The following DMD variants were observed in gnomAD, a reference collection of about 807,000 sequenced individuals.
DMD encodes mutant dystrophin.
In DMD, 63 loss-of-function variants were observed where a neutral mutation model predicts 330.1. The ratio of observed to expected loss-of-function variants is 0.19; its 90% CI spans 0.16 to 0.24. DMD has a LOEUF of 0.24. Ranked by LOEUF, DMD falls within the 10% of genes least tolerant of loss-of-function variation. DMD has a pLI of 1.00. For missense variants in DMD, 3,344 were observed against 2,684.1 expected (o/e 1.25, Z -5.43); for synonymous variants, 1,223 against 959.8 (o/e 1.27, Z -5.07).
intron 2 of DMD, among the ~76,000 whole-genome samples, chrX:32,878,979 G>C (rs2083619452): frequency 1.0e-5 from 1 of 97,618 alleles, no homozygotes; most frequent in Non-Finnish European, 2.1e-5. Flanking sequence ...CTGCACTCTA[G>C]CCTAGGCGAC....
intron 7 of DMD, among the ~76,000 whole-genome samples, chrX:32,805,983 C>A (rs1006439313): frequency 2.7e-5 from 3 of 111,840 alleles, no homozygotes; most frequent in African/African-American, 9.8e-5. Context: ...AGAAGCATAC[C>A]AAATTGTAAA....
At chrX:32,960,189 G>A (rs1226834145) in intron 2 of DMD, 1 of 111,403 alleles carries the variant, frequency 9.0e-6, no homozygotes, top group Admixed American at 9.5e-5. Flanking sequence ...AAAGGCAATC[G>A]AATGACAAAT....
intron 44 of DMD, among the ~76,000 whole-genome samples, chrX:32,013,235 T>C (rs1322882035): frequency 9.2e-6 from 1 of 108,360 alleles, no homozygotes; most frequent in Non-Finnish European, 1.9e-5. Context: ...TACAGGTGCA[T>C]ACCACCAAAC....
At chrX:32,121,804 A>C (rs1252435931) in intron 44 of DMD, among the ~76,000 whole-genome samples, 1 of 106,543 alleles carries the variant, frequency 9.4e-6, no homozygotes, top group African/African-American at 3.4e-5. Flanking sequence ...CAGGAGAAAA[A>C]GATGTGTTGA....
intron 1 of DMD, among the ~76,000 whole-genome samples, chrX:33,145,953 C>A (rs768218165): frequency 9.0e-6 from 1 of 110,770 alleles, no homozygotes; most frequent in South Asian, 3.8e-4. Flanking sequence ...GCGGCGCGAT[C>A]TTGGCTCACT....
chrX:33,159,866 A>G (rs1016381859), intron 1 of DMD, among the ~76,000 whole-genome samples: 1 of 111,170 alleles, frequency 9.0e-6, no homozygotes, highest in Non-Finnish European at 1.9e-5. Flanking sequence ...GCATACCTCA[A>G]TTTTTAAATA....
chrX:33,051,646 A>ATT lies in DMD; in HGVS notation c.32-31448_32-31447dup, dbSNP rs754035822. The stretch of plus-strand genomic sequence containing the variant: ...TAAGGAAAATATATAATTACGCTCT[A>ATT]TTTTTTTTTTTTTTTTTTTGAGACG... On this transcript the variant is annotated intron_variant, in intron 1 of 78. Coordinates refer to ENST00000357033, the MANE Select transcript of DMD (RefSeq NM_004006.3). Among the ~76,000 whole-genome samples, 87 of 71,920 alleles carry ATT rather than the reference A, an allele frequency of 1.2e-3. 2 individuals carry two copies. In the South Asian group the frequency reaches 0.032, roughly 27 times the overall value. 62.5% of individuals were successfully genotyped at this position (71,920 alleles called of 115,157 possible). A position where few individuals can be genotyped will look rare whatever the true frequency, so the allele number is the denominator to read the frequency against.
chrX:32,237,024 TTTG>T (rs2097190454), intron 43 of DMD, among the ~76,000 whole-genome samples: 1 of 111,958 alleles, frequency 8.9e-6, no homozygotes, highest in Non-Finnish European at 1.9e-5. Context: ...ATGTCTTTTC[TTTG>T]TTTATGAAGT....
Position 33,235,641 on chromosome X carries a change from T to C in DMD, c.7+103618A>G, listed in dbSNP as rs186587965. On this transcript the variant is annotated intron_variant, in intron 1 of 17. Transcript: ENST00000288447. The stretch of plus-strand genomic sequence containing the variant: ...TTATTTTATCAACATTTTATAGATG[T>C]CACAATCGAGTCTCAGAGGTGATAC... Among the ~76,000 whole-genome samples the C allele has an allele frequency of 1.2e-3, 128 of 110,671 alleles. No individual in the cohort carries two copies. The Middle Eastern group carries it at 0.019, about 16-fold the overall frequency.
chrX:33,203,388 G>A (rs1313246681), intron 1 of DMD, among the ~76,000 whole-genome samples: 1 of 111,756 alleles, frequency 8.9e-6, no homozygotes, highest in Non-Finnish European at 1.9e-5. Context: ...TTTAGGAAGT[G>A]CAGAGTACAG....
chrX:32,335,640 C>T (rs1268062243), intron 41 of DMD, among the ~76,000 whole-genome samples: 1 of 62,473 alleles, frequency 1.6e-5, no homozygotes, highest in African/African-American at 6.1e-5. Flanking sequence ...ATAACATATA[C>T]ATAACATGTT....
At chrX:31,530,669 T>TA (rs2073697418) in intron 55 of DMD, among the ~76,000 whole-genome samples, 6 of 77,588 alleles carry the variant, frequency 7.7e-5, no homozygotes, top group African/African-American at 3.1e-4. Flanking sequence ...TTTTTTTTTT[T>TA]AATTTTTTTT....
At chrX:33,306,310 C>T (rs2148943845) in intron 1 of DMD, among the ~76,000 whole-genome samples, 1 of 111,711 alleles carries the variant, frequency 9.0e-6, no homozygotes, top group Non-Finnish European at 1.9e-5. Context: ...AATGCATTTA[C>T]TTATTGAAGT....
intron 7 of DMD, among the ~76,000 whole-genome samples, chrX:32,734,244 A>C (rs1190788628): frequency 9.6e-6 from 1 of 103,746 alleles, no homozygotes; most frequent in Admixed American, 1.0e-4. Flanking sequence ...TAGACCAATA[A>C]CAGGATCTGA....
intron 76 of DMD, among the ~76,000 whole-genome samples, chrX:31,141,814 AG>A (rs1371998020): frequency 8.9e-6 from 1 of 111,774 alleles, no homozygotes; most frequent in African/African-American, 3.3e-5. Flanking sequence ...AAGAGTTGTC[AG>A]CATAGCAGAA....
intron 53 of DMD, among the ~76,000 whole-genome samples, chrX:31,671,450 T>C (rs2148690470): frequency 8.9e-6 from 1 of 112,538 alleles, no homozygotes; most frequent in South Asian, 3.7e-4. Context: ...TGTATTAGGT[T>C]TGATAATTTT....
At chrX:32,183,198 A>G (rs1383095148) in intron 44 of DMD, among the ~76,000 whole-genome samples, 1 of 111,111 alleles carries the variant, frequency 9.0e-6, no homozygotes, top group Non-Finnish European at 1.9e-5. Context: ...ACTTACTCAC[A>G]ATATTATCAG....
intron 62 of DMD, among the ~76,000 whole-genome samples, chrX:31,279,088 C>T (rs1019893402): frequency 8.9e-6 from 1 of 112,019 alleles, no homozygotes; most frequent in African/African-American, 3.2e-5. Context: ...CACAATCTTT[C>T]TTTTTTCAGT....
chrX:31,622,620 C>A (rs2078597183), intron 55 of DMD, among the ~76,000 whole-genome samples: 1 of 109,203 alleles, frequency 9.2e-6, no homozygotes, highest in African/African-American at 3.3e-5. Flanking sequence ...AAGCCATCTG[C>A]AAACCAGGAA....
Sources: gnomAD v4.1 joint callset for allele counts (sites outside exome capture counted in the v4.1 genomes callset) on GRCh38, gnomAD v4.1.1 for gene constraint, MANE v1.5 for transcripts, NCBI Gene and HGNC (gene_info 2026-07-23, HGNC 2026-07-21) for gene names.